Variants in CCT8 observed in about 807,000 individuals in gnomAD.
CCT8 encodes T-complex protein 1 subunit theta.
In CCT8, 10 loss-of-function variants were observed where a neutral mutation model predicts 65.7. The observed-to-expected ratio is 0.15, with a 90% CI of 0.09 to 0.26. CCT8 has a LOEUF of 0.26. Among genes scored for constraint, CCT8 ranks in the 10% least tolerant of loss-of-function variants. CCT8 has a pLI of 1.00. For synonymous variants in CCT8, 199 were observed against 221.8 expected (o/e 0.90, Z 0.92); for missense variants, 568 against 669.1 (o/e 0.85, Z 1.67).
At chr21:29,063,700 T>C (rs1477196263) in intron 7 of CCT8, among the ~76,000 whole-genome samples, 170 bp from the exon 8 acceptor site, 2 of 152,228 alleles carry the variant, frequency 1.3e-5, no homozygotes, top group Non-Finnish European at 2.9e-5. Flanking sequence ...GAAACTCAGC[T>C]TGCTTCTAGA....
chr21:29,062,575 C>T lies in CCT8; in HGVS notation c.942-19G>A, dbSNP rs1302902996. 1.9e-6 allele frequency: 3 copies of T among 1,602,308 alleles called. No individual in the cohort carries two copies. Among genetic ancestry groups the T allele is most frequent in the South Asian group, 1.1e-5 (1 of 90,342 alleles). On this transcript the variant is annotated intron_variant, in intron 8 of 14. Coordinates refer to ENST00000286788, the MANE Select transcript of CCT8 (RefSeq NM_006585.4). ...GTTTAGCCTTTAAAAAACACAAAGA[C>T]CTTAATAAAAGTTTTAATCAATTTC...
chr21:29,065,633 T>A (rs750982360), intron 6 of CCT8, among the ~76,000 whole-genome samples: 2 of 152,240 alleles, frequency 1.3e-5, no homozygotes, highest in Non-Finnish European at 2.9e-5. Context: ...GGTTTTACTC[T>A]ATCAAGCACA....
chr21:29,069,095 T>C (rs990656222), intron 3 of CCT8, among the ~76,000 whole-genome samples: 10 of 152,172 alleles, frequency 6.6e-5, no homozygotes, highest in Admixed American at 3.3e-4. Flanking sequence ...ACCACTGTTA[T>C]ATGTATACGT....
At chr21:29,070,124 A>C (rs1192783985) in intron 2 of CCT8, 123 bp downstream of exon 2, 6 of 533,862 alleles carry the variant, frequency 1.1e-5, no homozygotes, top group Non-Finnish European at 1.6e-5. Flanking sequence ...GAAATGAACT[A>C]TCATTGAGCT....
Position 29,056,514 on chromosome 21 carries a change from T to TG in CCT8, c.1607dup (p.Ser537LysfsTer8). Reference sequence around the variant, plus strand: ...CATCATCCCAGTCTTTCTTCCCACTTGGAGGCTTGGGCCCACCAGCTGGTT... The same window carrying TG: ...CATCATCCCAGTCTTTCTTCCCACTTGGGAGGCTTGGGCCCACCAGCTGGTT... On this transcript the variant is annotated frameshift_variant, in exon 15 of 15. Coordinates refer to ENST00000286788, the MANE Select transcript of CCT8 (RefSeq NM_006585.4). LOFTEE classifies it high-confidence loss of function. 6.5e-7 allele frequency: 1 copy of TG among 1,546,834 alleles called. No homozygotes were observed. Among genetic ancestry groups the TG allele is most frequent in the South Asian group, 1.2e-5 (1 of 80,754 alleles).
At chr21:29,071,095 A>G (rs924816849) in intron 1 of CCT8, among the ~76,000 whole-genome samples, 12 of 152,232 alleles carry the variant, frequency 7.9e-5, no homozygotes, top group Non-Finnish European at 1.3e-4. Flanking sequence ...TCTACTGTGC[A>G]TGAGAACATT....
At chr21:29,069,230 T>C (rs888800020) in intron 3 of CCT8, among the ~76,000 whole-genome samples, 193 bp downstream of exon 3, 9 of 152,150 alleles carry the variant, frequency 5.9e-5, no homozygotes, top group Non-Finnish European at 1.3e-4. Flanking sequence ...ACTTGAGAGA[T>C]TTTTAAGATT....
At position 29,056,477 on chromosome 21, in the gene CCT8, A is replaced by T; in HGVS notation, c.1645T>A (p.Ter549ArgextTer9). 6.6e-7 allele frequency: 1 copy of T among 1,509,596 alleles called. No homozygotes were observed. The highest frequency in any genetic ancestry group is 8.9e-7 in the Non-Finnish European group (1 of 1,125,130). The allele number at this position is 1,509,596 out of a possible 1,614,324, so 93.5% of individuals were successfully genotyped here. A position where few individuals can be genotyped will look rare whatever the true frequency, so the allele number is the denominator to read the frequency against. ...KKDWDDDQND[*>R] Reference sequence around the variant, plus strand: ...CTACAGTAAAAATTAAGCCAATTTCAATCATTTTGGTCATCATCCCAGTCT... The same window carrying T: ...CTACAGTAAAAATTAAGCCAATTTCTATCATTTTGGTCATCATCCCAGTCT... Residue 549 changes from the stop codon to arginine (R), a stop_lost, in exon 15 of 15, where the codon TGA becomes AGA. Coordinates refer to ENST00000286788, the MANE Select transcript of CCT8 (RefSeq NM_006585.4).
Position 29,063,283 on chromosome 21 carries a change from C to T in CCT8, c.941+69G>A, listed in dbSNP as rs554795807. 2.4e-3 allele frequency: 2,864 copies of T among 1,175,664 alleles called. 6 individuals are homozygous for T. Among genetic ancestry groups the T allele is most frequent in the Non-Finnish European group, 3.1e-3 (2,494 of 804,912 alleles). 72.8% of individuals were successfully genotyped at this position (1,175,664 alleles called of 1,614,324 possible). A position where few individuals can be genotyped will look rare whatever the true frequency, so the allele number is the denominator to read the frequency against. On this transcript the variant is annotated intron_variant, in intron 8 of 14. Transcript: ENST00000286788. ...TATTAACAGTCTTCATGGTCTATTTCGTTTAGTGTTTTCACCACCAAAAAA... is the reference window on the plus strand; with the variant it reads ...TATTAACAGTCTTCATGGTCTATTTTGTTTAGTGTTTTCACCACCAAAAAA...
chr21:29,066,396 C>T (rs1004377324), intron 6 of CCT8, among the ~76,000 whole-genome samples: 1 of 152,080 alleles, frequency 6.6e-6, no homozygotes, highest in South Asian at 2.1e-4. Context: ...CAAAATTAGC[C>T]GGGTGTGGTG....
chr21:29,067,779 A>C (rs1413430746), intron 3 of CCT8, 74 bp from the exon 4 acceptor site: 1 of 1,129,898 alleles, frequency 8.9e-7, no homozygotes, highest in African/African-American at 1.6e-5. Context: ...TCCATTTCTT[A>C]AATAGACTCA....
At chr21:29,065,700 T>C (rs984747140) in intron 6 of CCT8, among the ~76,000 whole-genome samples, 1 of 152,230 alleles carries the variant, frequency 6.6e-6, no homozygotes, top group Non-Finnish European at 1.5e-5. Flanking sequence ...TGAATTCTAT[T>C]ATTGAAGAGG....
Position 29,064,927 on chromosome 21 carries a change from G to A in CCT8, c.762+41C>T. 2.5e-6 allele frequency: 4 copies of A among 1,587,600 alleles called. No individual in the cohort carries two copies. In the East Asian group the frequency reaches 9.0e-5, roughly 36 times the overall value. On this transcript the variant is annotated intron_variant, in intron 7 of 14. Coordinates refer to ENST00000286788, the MANE Select transcript of CCT8 (RefSeq NM_006585.4). ...GAGCTAACTCAAACAATCTGAAAGT[G>A]CAACCCCAATTATTACTTTTAAGGT...
chr21:29,069,505 CA>C lies in CCT8; in HGVS notation c.152-4del. 2 of 1,532,222 alleles carry C rather than the reference CA, an allele frequency of 1.3e-6. No homozygotes were observed. Among genetic ancestry groups the C allele is most frequent in the Non-Finnish European group, 1.8e-6 (2 of 1,137,654 alleles). 94.9% of individuals were successfully genotyped at this position (1,532,222 alleles called of 1,614,324 possible). On this transcript the variant is annotated splice_polypyrimidine_tract_variant and splice_region_variant and intron_variant, in intron 2 of 14. Transcript: ENST00000286788. ...GTTGATAACCATTTTGTTCATTCCT[CA>C]AAAGTAACAGTTAAAAAAAGAAAAA... is the stretch of plus-strand genomic sequence containing the variant.
intron 6 of CCT8, 84 bp downstream of exon 6, chr21:29,066,631 AT>A (rs376201722): frequency 0.19 from 113,536 of 600,748 alleles, 45 homozygotes; most frequent in East Asian, 0.24. Flanking sequence ...AGATGAACAC[AT>A]TTTTTTTTTT....
intron 12 of CCT8, 37 bp downstream of exon 12, chr21:29,061,459 A>C: frequency 6.2e-7 from 1 of 1,613,716 alleles, no homozygotes; most frequent in Non-Finnish European, 8.5e-7. Flanking sequence ...TATTCAAGCA[A>C]TGGAAAGAAA....
chr21:29,071,951 C>G (rs1293528377), intron 1 of CCT8: 6 of 702,276 alleles, frequency 8.5e-6, no homozygotes, highest in South Asian at 1.5e-5. Flanking sequence ...TCTGAACTTA[C>G]CATTCTTCCT....
intron 7 of CCT8, among the ~76,000 whole-genome samples, chr21:29,064,664 C>CT (rs1359335624): frequency 6.6e-6 from 1 of 152,142 alleles, no homozygotes; most frequent in African/African-American, 2.4e-5. Flanking sequence ...AGAATGTCAA[C>CT]TTTATTTTCG....
intron 2 of CCT8, 24 bp downstream of exon 2, chr21:29,070,208 CTACTACTGTATCTTT>C: frequency 8.0e-7 from 1 of 1,253,524 alleles, no homozygotes; most frequent in Non-Finnish European, 1.2e-6. Flanking sequence ...ACACAATATT[CTACTACTGTATCTTT>C]ACAAATATTA....
Sources: gnomAD v4.1 joint callset for allele counts (sites outside exome capture counted in the v4.1 genomes callset) on GRCh38, gnomAD v4.1.1 for gene constraint, MANE v1.5 for transcripts, NCBI Gene and HGNC (gene_info 2026-07-23, HGNC 2026-07-21) for gene names.